NLK: variants seen among roughly 807,000 people sequenced by gnomAD.
NLK encodes the protein serine/threonine-protein kinase NLK.
Under a neutral mutation model 59.0 loss-of-function variants are expected in NLK, and 11 were observed. The observed-to-expected ratio is 0.19, with a 90% CI of 0.12 to 0.31. The LOEUF (loss-of-function observed/expected upper bound fraction) is 0.31. NLK is among the 10% of genes least tolerant of loss of function. The pLI is 1.00. For synonymous variants in NLK, 235 were observed against 235.9 expected (o/e 1.00, Z 0.03); for missense variants, 410 against 661.1 (o/e 0.62, Z 4.16).
chr17:28,131,292 CA>C (rs1443949328), intron 2 of NLK, among the ~76,000 whole-genome samples: 1 of 151,870 alleles, frequency 6.6e-6, no homozygotes, highest in East Asian at 1.9e-4. Flanking sequence ...TTTAGACTAA[CA>C]AACTTTTTTT....
intron 5 of NLK, among the ~76,000 whole-genome samples, chr17:28,166,610 A>C (rs1908249762): frequency 6.6e-6 from 1 of 152,138 alleles, no homozygotes. Flanking sequence ...AGAACACTGG[A>C]GCTTAGATGG....
rs1908925843 is a variant in NLK, at chr17:28,043,110, T to G, written c.237T>G (p.Ala79=). 3 of 1,592,214 alleles carry G rather than the reference T, an allele frequency of 1.9e-6. No homozygotes were observed. Among genetic ancestry groups the G allele is most frequent in the Non-Finnish European group, 2.6e-6 (3 of 1,169,528 alleles). Residue 79 remains alanine, a synonymous_variant, in exon 1 of 11, where the codon GCT becomes GCG. Transcript: ENST00000407008. ...SSAAAAAAAA[A]AAAAMLNPGQ... ...CAGCTGCGGCAGCCGCAGCAGCGGCTGCAGCTGCAGCCATGTTAAACCCTG... is the reference window on the plus strand; with the variant it reads ...CAGCTGCGGCAGCCGCAGCAGCGGCGGCAGCTGCAGCCATGTTAAACCCTG...
intron 7 of NLK, among the ~76,000 whole-genome samples, chr17:28,176,019 C>G (rs1184421123): frequency 6.6e-6 from 1 of 152,026 alleles, no homozygotes; most frequent in Non-Finnish European, 1.5e-5. Flanking sequence ...TTACGAAAAT[C>G]CATAGAAAAA....
intron 1 of NLK, among the ~76,000 whole-genome samples, chr17:28,122,335 C>G (rs1906100601): frequency 6.6e-6 from 1 of 152,016 alleles, no homozygotes; most frequent in African/African-American, 2.4e-5. Context: ...AAAGTGACCT[C>G]TCTGAAAGAG....
intron 1 of NLK, among the ~76,000 whole-genome samples, chr17:28,098,805 C>T (rs1904799575): frequency 6.6e-6 from 1 of 150,458 alleles, no homozygotes; most frequent in African/African-American, 2.4e-5. Context: ...GCCTTAGCCT[C>T]CTGAGTAGCT....
At chr17:28,166,314 G>T (rs1257277371) in intron 5 of NLK, among the ~76,000 whole-genome samples, 1 of 152,106 alleles carries the variant, frequency 6.6e-6, no homozygotes, top group Non-Finnish European at 1.5e-5. Context: ...AAATTTTCCT[G>T]CTTTCTTAAG....
At chr17:28,160,307 T>C (rs1379119907) in intron 3 of NLK, among the ~76,000 whole-genome samples, 2 of 152,242 alleles carry the variant, frequency 1.3e-5, no homozygotes, top group African/African-American at 4.8e-5. Context: ...AGGCTGTTAT[T>C]ATCAGTTCTC....
At chr17:28,197,568 G>A (rs986637194), downstream of NLK, among the ~76,000 whole-genome samples, 3 of 152,048 alleles carry the variant, frequency 2.0e-5, no homozygotes, top group African/African-American at 7.2e-5. Flanking sequence ...AAACCAAGGA[G>A]ATTTGTTCCT....
intron 1 of NLK, among the ~76,000 whole-genome samples, chr17:28,111,898 T>TGTGTGTGTG (rs1905524514): frequency 3.0e-4 from 21 of 68,886 alleles, no homozygotes; most frequent in Admixed American, 2.4e-3. Flanking sequence ...GTGTGTGTGG[T>TGTGTGTGTG]GTGTGTGTGT....
At chr17:28,113,223 G>C (rs1253315822) in intron 1 of NLK, among the ~76,000 whole-genome samples, 1 of 152,082 alleles carries the variant, frequency 6.6e-6, no homozygotes, top group East Asian at 1.9e-4. Flanking sequence ...ACACCTCTAT[G>C]ACCACCATTC....
chr17:28,142,671 C>G (rs1907056492), intron 3 of NLK, among the ~76,000 whole-genome samples: 1 of 152,076 alleles, frequency 6.6e-6, no homozygotes, highest in African/African-American at 2.4e-5. Flanking sequence ...CAGCCAGTTT[C>G]ATATCTGAGT....
At chr17:28,092,356 G>A (rs1411742886) in intron 1 of NLK, among the ~76,000 whole-genome samples, 1 of 152,152 alleles carries the variant, frequency 6.6e-6, no homozygotes, top group African/African-American at 2.4e-5. Context: ...TGTAACAGCA[G>A]TTTCAGAAAA....
In NLK at chr17:28,195,424, T is replaced by C. The variant is rs1197181751; in HGVS notation, c.*788T>C. Reference sequence around the variant, plus strand: ...TTCATGTGTGTAAATAATTCATTTCTGGGCTAATTTCAAAAGAATCCCAAT... The same window carrying C: ...TTCATGTGTGTAAATAATTCATTTCCGGGCTAATTTCAAAAGAATCCCAAT... On this transcript the variant is annotated 3_prime_UTR_variant, in exon 11 of 11. Transcript: ENST00000407008. The C allele has an allele frequency of 2.0e-5, 3 of 152,424 alleles. No homozygotes were observed. Among genetic ancestry groups the C allele is most frequent in the Non-Finnish European group, 4.4e-5 (3 of 68,016 alleles). 9.4% of individuals were successfully genotyped at this position (152,424 alleles called of 1,614,324 possible). A position where few individuals can be genotyped will look rare whatever the true frequency, so the allele number is the denominator to read the frequency against.
chr17:28,061,932 TA>T (rs1229659019), intron 1 of NLK: 12 of 140,876 alleles, frequency 8.5e-5, no homozygotes, highest in African/African-American at 1.6e-4. Flanking sequence ...CATATATATA[TA>T]TATTTTTTTT....
chr17:28,072,283 A>C (rs1910029859), intron 1 of NLK, among the ~76,000 whole-genome samples: 1 of 144,400 alleles, frequency 6.9e-6, no homozygotes, highest in South Asian at 2.2e-4. Flanking sequence ...CACTTAATTC[A>C]TTTCCATCAA....
chr17:28,139,581 C>T (rs1906900232), intron 3 of NLK, among the ~76,000 whole-genome samples: 1 of 152,168 alleles, frequency 6.6e-6, no homozygotes, highest in Non-Finnish European at 1.5e-5. Flanking sequence ...ATGTATATGA[C>T]ATTGTACTAA....
At chr17:28,148,366 G>A (rs1357164366) in intron 3 of NLK, among the ~76,000 whole-genome samples, 1 of 151,938 alleles carries the variant, frequency 6.6e-6, no homozygotes, top group Admixed American at 6.6e-5. Flanking sequence ...AAAAATATGA[G>A]GGGATATGAA....
At chr17:28,054,002 T>G (rs1909353884) in intron 1 of NLK, among the ~76,000 whole-genome samples, 1 of 152,212 alleles carries the variant, frequency 6.6e-6, no homozygotes, top group South Asian at 2.1e-4. Flanking sequence ...CCCACTTTCT[T>G]CTCCACTTCC....
chr17:28,132,434 ATAG>A (rs1906557987), intron 2 of NLK, among the ~76,000 whole-genome samples, 183 bp from the exon 3 acceptor site: 1 of 152,134 alleles, frequency 6.6e-6, no homozygotes, highest in Admixed American at 6.6e-5. Flanking sequence ...AGTCTTTTGG[ATAG>A]TAAGTGTACG....
Sources: gnomAD v4.1 joint callset for allele counts (sites outside exome capture counted in the v4.1 genomes callset) on GRCh38, gnomAD v4.1.1 for gene constraint, MANE v1.5 for transcripts, NCBI Gene and HGNC (gene_info 2026-07-23, HGNC 2026-07-21) for gene names.